The following CEMIP variants were observed in gnomAD, a reference collection of about 807,000 sequenced individuals.
CEMIP encodes the protein cell migration inducing hyaluronidase 1, also known as cell migration-inducing and hyaluronan-binding protein.
In CEMIP, 105 loss-of-function variants were observed where a neutral mutation model predicts 156.9. The ratio of observed to expected loss-of-function variants is 0.67; its 90% CI spans 0.57 to 0.79. The LOEUF (loss-of-function observed/expected upper bound fraction) is 0.79. Ranked by LOEUF, CEMIP falls within the 30% of genes least tolerant of loss-of-function variation. The pLI is 0.00. For missense variants in CEMIP, 1,457 were observed against 1,769.4 expected, an observed-to-expected ratio of 0.82 and a Z score of 3.17; for synonymous variants, 676 against 668.4, an observed-to-expected ratio of 1.01 and a Z score of -0.17.
intron 1 of CEMIP, among the ~76,000 whole-genome samples, chr15:80,817,507 G>A (rs764048876): frequency 1.1e-4 from 16 of 151,818 alleles, no homozygotes; most frequent in Admixed American, 3.3e-4. Context: ...AGGCTGAGGT[G>A]GGAGGATCAC....
At chr15:80,917,044 AG>A (rs1350367059) in intron 14 of CEMIP, among the ~76,000 whole-genome samples, 1 of 152,356 alleles carries the variant, frequency 6.6e-6, no homozygotes, top group African/African-American at 2.4e-5. Flanking sequence ...CGTCACTTAT[AG>A]AATCGTAGTT....
At chr15:80,863,702 A>G (rs1162958120) in intron 1 of CEMIP, among the ~76,000 whole-genome samples, 1 of 152,206 alleles carries the variant, frequency 6.6e-6, no homozygotes, top group African/African-American at 2.4e-5. Context: ...TCAAGGAAGC[A>G]GACATCAGAA....
At chr15:80,781,660 TA>T (rs57583640) in intron 1 of CEMIP, among the ~76,000 whole-genome samples, 63,836 of 151,790 alleles carry the variant, frequency 0.42, 14,357 homozygotes, top group East Asian at 0.77. Flanking sequence ...ACACCTCTTA[TA>T]AAAAAAAATT....
intron 1 of CEMIP, among the ~76,000 whole-genome samples, chr15:80,855,057 T>C (rs1014176063): frequency 2.0e-5 from 3 of 152,146 alleles, no homozygotes; most frequent in East Asian, 3.9e-4. Flanking sequence ...CATGGTGGTG[T>C]GTGCCTGTAG....
In CEMIP at chr15:80,839,289, A is replaced by ATGTGTGTGTGTGTGTGT. The variant is rs71455356; in HGVS notation, c.-175-34249_-175-34248insTGTGTGTGTGTGTGTGT. ...TGAAGGCTGTGGAGTCAAGGCCGTG[A>ATGTGTGTGTGTGTGTGT]GTGTGTGTGTGTGTGTGTGTGTGTG... On this transcript the variant is annotated intron_variant, in intron 1 of 29. Transcript: ENST00000394685. 9.4e-3 allele frequency among the ~76,000 whole-genome samples: 1,231 copies of ATGTGTGTGTGTGTGTGT among 131,172 alleles called. 29 individuals are homozygous for ATGTGTGTGTGTGTGTGT. The highest frequency in any genetic ancestry group is 0.036 in the African/African-American group (1,181 of 32,650). The allele number at this position is 131,172 out of a possible 152,430, so 86.1% of individuals were successfully genotyped here. A position where few individuals can be genotyped will look rare whatever the true frequency, so the allele number is the denominator to read the frequency against.
chr15:80,928,894 GC>G lies in CEMIP; in HGVS notation c.2421-5del, dbSNP rs1900795700. On this transcript the variant is annotated splice_region_variant and splice_polypyrimidine_tract_variant and intron_variant, in intron 19 of 29. Transcript: ENST00000394685. ...ATGCTCTGACTATCTATCTGCTCTT[GC>G]CCACAGGTTTGCTGACAATGGCATT... 1.2e-6 allele frequency: 2 copies of G among 1,613,750 alleles called. No homozygotes were observed. The highest frequency in any genetic ancestry group is 4.5e-5 in the East Asian group (2 of 44,886).
intron 29 of CEMIP, 190 bp downstream of exon 29, chr15:80,947,255 C>G: frequency 1.8e-6 from 1 of 554,580 alleles, no homozygotes; most frequent in South Asian, 2.5e-5. Context: ...GTTTACCACC[C>G]CTGCACTGCA....
chr15:80,866,161 A>G (rs954835142), intron 1 of CEMIP, among the ~76,000 whole-genome samples: 1 of 152,190 alleles, frequency 6.6e-6, no homozygotes, highest in African/African-American at 2.4e-5. Context: ...TCACTCTGCC[A>G]TGCTTGGGGA....
chr15:80,921,160 A>G (rs1407843766), intron 16 of CEMIP, 59 bp downstream of exon 16: 2 of 1,462,100 alleles, frequency 1.4e-6, no homozygotes, highest in Non-Finnish European at 1.9e-6. Flanking sequence ...AGTCAGGGAG[A>G]CAGCCGAGGC....
intron 1 of CEMIP, among the ~76,000 whole-genome samples, chr15:80,800,247 A>G (rs1373588276): frequency 6.6e-6 from 1 of 151,608 alleles, no homozygotes; most frequent in Non-Finnish European, 1.5e-5. Context: ...TTTCCAGAGC[A>G]CCTCCATTCT....
chr15:80,928,581 C>T (rs1018330891), intron 19 of CEMIP, among the ~76,000 whole-genome samples: 56 of 152,170 alleles, frequency 3.7e-4, no homozygotes, highest in African/African-American at 1.2e-3. Flanking sequence ...TCACACTAAG[C>T]CCTGGAATCA....
At chr15:80,878,039 C>T (rs1181293468) in intron 3 of CEMIP, among the ~76,000 whole-genome samples, 1 of 152,172 alleles carries the variant, frequency 6.6e-6, no homozygotes, top group Non-Finnish European at 1.5e-5. Context: ...AAGCCTCATG[C>T]CCCACTGGAG....
At chr15:80,841,046 T>C (rs1897400948) in intron 1 of CEMIP, among the ~76,000 whole-genome samples, 1 of 152,106 alleles carries the variant, frequency 6.6e-6, no homozygotes, top group Non-Finnish European at 1.5e-5. Context: ...GAGCGTCCCC[T>C]CCCCTCTCAT....
intron 1 of CEMIP, among the ~76,000 whole-genome samples, chr15:80,838,715 C>T (rs961963525): frequency 2.6e-5 from 4 of 152,178 alleles, no homozygotes; most frequent in African/African-American, 9.7e-5. Context: ...GTGGCAACCA[C>T]TATTGACACA....
chr15:80,887,898 G>A (rs917522336), intron 8 of CEMIP, 134 bp downstream of exon 8: 28 of 754,262 alleles, frequency 3.7e-5, no homozygotes, highest in African/African-American at 8.7e-5. Flanking sequence ...GTGAGCAGCC[G>A]CTTAACTGGC....
intron 1 of CEMIP, among the ~76,000 whole-genome samples, chr15:80,782,298 C>T (rs1039653100): frequency 1.3e-5 from 2 of 152,150 alleles, no homozygotes; most frequent in Non-Finnish European, 2.9e-5. Flanking sequence ...CTAGATCACT[C>T]CAGGATGAAG....
In CEMIP at chr15:80,906,458, A is replaced by C. The variant is rs1899807555; in HGVS notation, c.1412-205A>C. On this transcript the variant is annotated intron_variant, in intron 12 of 29. Transcript: ENST00000394685. The surrounding 1 kb of genome is among the most constrained non-coding windows in gnomAD (Gnocchi z 4.3). The stretch of plus-strand genomic sequence containing the variant: ...CATTTCTGCCAAAGGCTTCAGACCT[A>C]AGCCTGTGTAACTGTGAGATCTGGG... Among the ~76,000 whole-genome samples the C allele has an allele frequency of 6.6e-6, 1 of 152,228 alleles. No homozygotes were observed. Among genetic ancestry groups the C allele is most frequent in the African/African-American group, 2.4e-5 (1 of 41,454 alleles).
chr15:80,912,670 C>G (rs1900114068), intron 14 of CEMIP, among the ~76,000 whole-genome samples: 1 of 152,212 alleles, frequency 6.6e-6, no homozygotes, highest in African/African-American at 2.4e-5. Context: ...TCTCCAAGAG[C>G]CATCCCCCGC....
Position 80,906,664 on chromosome 15 carries a change from G to T in CEMIP, c.1413G>T (p.Gly471=). The change falls in exon 13 of 30, where the codon GGG becomes GGT. Residue 471 remains glycine, a splice_region_variant and synonymous_variant. Transcript: ENST00000394685. This position sits in a 1 kb window ranked among gnomAD's most constrained non-coding sequence, Gnocchi z 4.3. ...SCAPNQVKVA[G]KPMYLHIGEE... ...TACCGTCCTCCCTTTCTGCCCTAGGGAAACCAATGTACCTGCACATCGGGG... is the reference window on the plus strand; with the variant it reads ...TACCGTCCTCCCTTTCTGCCCTAGGTAAACCAATGTACCTGCACATCGGGG... 2 of 1,612,594 alleles carry T rather than the reference G, an allele frequency of 1.2e-6. No homozygotes were observed. The highest frequency in any genetic ancestry group is 8.5e-7 in the Non-Finnish European group (1 of 1,178,864).
Sources: allele counts gnomAD v4.1 joint callset (sites outside exome capture counted in the v4.1 genomes callset), GRCh38; gene constraint gnomAD v4.1.1; non-coding constraint Gnocchi (gnomAD v3.1); transcripts MANE v1.5; gene names NCBI Gene and HGNC (gene_info 2026-07-23, HGNC 2026-07-21).